The following SKIC3 variants were observed in gnomAD, a reference collection of about 807,000 sequenced individuals.
SKIC3 encodes the protein superkiller complex protein 3.
the SKIC3 span, among the ~76,000 whole-genome samples, chr5:95,493,312 A>C: frequency 6.6e-6 from 1 of 152,162 alleles, no homozygotes; most frequent in African/African-American, 2.4e-5. Flanking sequence ...TGCTTCCTTG[A>C]GTATGTATTT....
the SKIC3 span, chr5:95,515,161 A>C: frequency 2.3e-6 from 1 of 434,892 alleles, no homozygotes; most frequent in Non-Finnish European, 4.3e-6. Context: ...CCTAGCAAAA[A>C]AGGGTTCTAC....
the SKIC3 span, chr5:95,541,726 A>C: frequency 1.0e-6 from 1 of 958,388 alleles, no homozygotes; most frequent in East Asian, 2.5e-5. Context: ...AATTCCCAGT[A>C]AATGCTGGAA....
the SKIC3 span, among the ~76,000 whole-genome samples, chr5:95,475,400 T>C: frequency 2.0e-5 from 3 of 152,086 alleles, no homozygotes; most frequent in African/African-American, 7.2e-5. Flanking sequence ...TCTCAAGAGA[T>C]CTGGTTTTCA....
chr5:95,497,496 A>G, the SKIC3 span: 2 of 1,612,556 alleles, frequency 1.2e-6, no homozygotes, highest in Non-Finnish European at 1.7e-6. Context: ...TTGCTAAAGG[A>G]ATCAAAAGTA....
chr5:95,481,127 A>C, the SKIC3 span, among the ~76,000 whole-genome samples: 1 of 152,108 alleles, frequency 6.6e-6, no homozygotes, highest in Non-Finnish European at 1.5e-5. Flanking sequence ...TATAAAAGAA[A>C]ACACACACAT....
chr5:95,521,391 T>A, the SKIC3 span: 1 of 152,472 alleles, frequency 6.6e-6, no homozygotes, highest in Non-Finnish European at 1.5e-5. Context: ...GCAGCACATA[T>A]ACCAAAACCG....
chr5:95,491,040 A>C, the SKIC3 span: 4 of 1,613,784 alleles, frequency 2.5e-6, no homozygotes, highest in African/African-American at 4.0e-5. Flanking sequence ...GGATCACCTG[A>C]AAACAGGAAA....
the SKIC3 span, chr5:95,482,726 G>T: frequency 7.3e-7 from 1 of 1,375,400 alleles, no homozygotes; most frequent in Non-Finnish European, 1.0e-6. Context: ...ATAAAATTCT[G>T]AAGGTTTATA....
At chr5:95,544,636 G>A in the SKIC3 span, among the ~76,000 whole-genome samples, 2 of 152,110 alleles carry the variant, frequency 1.3e-5, no homozygotes, top group Non-Finnish European at 2.9e-5. Flanking sequence ...AAACACTGGG[G>A]CCTTATTAAT....
At chr5:95,539,486 A>G in the SKIC3 span, among the ~76,000 whole-genome samples, 67 of 152,204 alleles carry the variant, frequency 4.4e-4, 2 homozygotes, top group Admixed American at 4.3e-3. Flanking sequence ...AAACACTTCT[A>G]CACTGCTGGT....
chr5:95,534,735 C>G, the SKIC3 span, among the ~76,000 whole-genome samples: 2 of 152,138 alleles, frequency 1.3e-5, no homozygotes, highest in South Asian at 2.1e-4. Context: ...TCCCTCCAAG[C>G]CAGCCAGCAC....
At chr5:95,520,929 A>G in the SKIC3 span, 1 of 773,716 alleles carries the variant, frequency 1.3e-6, no homozygotes, top group African/African-American at 1.8e-5. Flanking sequence ...AGAAAATAAA[A>G]CTTAACGGTG....
At chr5:95,509,622 T>C in the SKIC3 span, 7 of 1,613,844 alleles carry the variant, frequency 4.3e-6, no homozygotes, top group Non-Finnish European at 5.1e-6. Context: ...GCTTCCTTTT[T>C]CAGTTGTAGA....
At chr5:95,505,337 T>A in the SKIC3 span, among the ~76,000 whole-genome samples, 1 of 152,220 alleles carries the variant, frequency 6.6e-6, no homozygotes, top group Admixed American at 6.5e-5. Context: ...AAATCAATAC[T>A]CAAATTTTGA....
chr5:95,536,307 A>T, the SKIC3 span, among the ~76,000 whole-genome samples: 1 of 152,234 alleles, frequency 6.6e-6, no homozygotes, highest in Admixed American at 6.5e-5. Context: ...TGTTCTTATG[A>T]CACTGTGACA....
the SKIC3 span, chr5:95,513,236 C>A: frequency 3.8e-6 from 1 of 266,392 alleles, no homozygotes; most frequent in East Asian, 7.7e-5. Context: ...GAGACAGAAT[C>A]TTGCTCTGTT....
the SKIC3 span, chr5:95,513,570 C>T: frequency 6.2e-7 from 1 of 1,613,198 alleles, no homozygotes; most frequent in Non-Finnish European, 8.5e-7. Flanking sequence ...CAGATTCTTA[C>T]ATGCATATTT....
chr5:95,543,089 G>C, the SKIC3 span: 1 of 1,443,028 alleles, frequency 6.9e-7, no homozygotes, highest in East Asian at 2.3e-5. Context: ...GGCAAATGTA[G>C]GTTTAAATGC....
At chr5:95,554,077 G>A in the SKIC3 span, among the ~76,000 whole-genome samples, 29 of 152,312 alleles carry the variant, frequency 1.9e-4, no homozygotes, top group Non-Finnish European at 1.2e-4. Context: ...TGGTGAAAGT[G>A]AGGATTATAG....
Sources: gnomAD v4.1 joint callset for allele counts (sites outside exome capture counted in the v4.1 genomes callset) on GRCh38, gnomAD v4.1.1 for gene constraint, MANE v1.5 for transcripts, NCBI Gene and HGNC (gene_info 2026-07-23, HGNC 2026-07-21) for gene names.